The following TSPAN11 variants were observed in gnomAD, a reference collection of about 807,000 sequenced individuals.
TSPAN11 encodes tetraspanin-11.
TSPAN11 carries 29 observed loss-of-function variants against 32.9 expected under a neutral mutation model. The ratio of observed to expected loss-of-function variants is 0.88; its 90% CI spans 0.66 to 1.20. TSPAN11 has a LOEUF of 1.20. Among genes scored for constraint, TSPAN11 ranks in the 50% most tolerant of loss-of-function variants. TSPAN11 has a pLI of 0.00. For missense variants in TSPAN11, 283 were observed against 329.1 expected (o/e 0.86, Z 1.08); for synonymous variants, 140 against 141.3 (o/e 0.99, Z 0.07).
In TSPAN11 at chr12:30,995,289, C is replaced by T. The variant is rs1939395108; in HGVS notation, c.*3374C>T. The T allele has an allele frequency of 6.6e-6, 1 of 152,328 alleles. No homozygotes were observed. 9.4% of individuals were successfully genotyped at this position (152,328 alleles called of 1,614,324 possible). A position where few individuals can be genotyped will look rare whatever the true frequency, so the allele number is the denominator to read the frequency against. On this transcript the variant is annotated 3_prime_UTR_variant, in exon 8 of 8. Transcript: ENST00000546076. ...GGTCACACCCACTCCCAGAGCAACC[C>T]TGGGCAGGGAGGGGCACCCTGGGGT...
intron 1 of TSPAN11, among the ~76,000 whole-genome samples, chr12:30,931,879 C>CAAAAAAAA (rs58500177): frequency 0.18 from 10,774 of 60,414 alleles, 2,202 homozygotes; most frequent in Non-Finnish European, 0.23. Flanking sequence ...GACGCTGTAT[C>CAAAAAAAA]AAAAAAAAAA....
downstream of TSPAN11, among the ~76,000 whole-genome samples, chr12:31,000,480 C>T (rs1210742032): frequency 6.6e-6 from 1 of 152,246 alleles, no homozygotes; most frequent in Non-Finnish European, 1.5e-5. Context: ...TATACGCATG[C>T]TTTTATTTAA....
chr12:30,992,214 G>A lies in TSPAN11; in HGVS notation c.*299G>A, dbSNP rs373758138. The A allele has an allele frequency of 8.4e-5, 40 of 476,444 alleles. No homozygotes were observed. The highest frequency in any genetic ancestry group is 1.2e-4 in the Non-Finnish European group (31 of 262,418). The allele number at this position is 476,444 out of a possible 1,614,324, so 29.5% of individuals were successfully genotyped here. A position where few individuals can be genotyped will look rare whatever the true frequency, so the allele number is the denominator to read the frequency against. The stretch of plus-strand genomic sequence containing the variant: ...AGGAACGGGGGCACCCGTGGACTAC[G>A]GGAGGGTGGCGGTTGGGTTCTCTGC... On this transcript the variant is annotated 3_prime_UTR_variant, in exon 8 of 8. Transcript: ENST00000546076.
chr12:30,946,256 G>A (rs556382573), intron 1 of TSPAN11, among the ~76,000 whole-genome samples: 336 of 152,298 alleles, frequency 2.2e-3, no homozygotes, highest in Non-Finnish European at 3.5e-3. Flanking sequence ...ACCCTTCTGA[G>A]AGCAAATTCT....
At chr12:30,947,141 T>C (rs1220170732) in intron 1 of TSPAN11, among the ~76,000 whole-genome samples, 1 of 152,198 alleles carries the variant, frequency 6.6e-6, no homozygotes, top group African/African-American at 2.4e-5. Flanking sequence ...TATGTTTGCT[T>C]CTGTCCAGGG....
chr12:30,927,352 T>C (rs1430971221), intron 1 of TSPAN11, among the ~76,000 whole-genome samples: 1 of 152,232 alleles, frequency 6.6e-6, no homozygotes, highest in Non-Finnish European at 1.5e-5. Context: ...CATCCCTGCA[T>C]GTGCAGTTGG....
rs546078023 is a variant in TSPAN11, at chr12:30,994,038, G to A, written c.*2123G>A. On this transcript the variant is annotated 3_prime_UTR_variant, in exon 8 of 8. Transcript: ENST00000546076. ...AGCTGCAATTCCTGCCCTGTGTGTC[G>A]TCCAGCCAGACTGCCTCTTGAAAGA... 6.6e-5 allele frequency: 10 copies of A among 152,386 alleles called. No homozygotes were observed. The highest frequency in any genetic ancestry group is 1.9e-4 in the East Asian group (1 of 5,186). The allele number at this position is 152,386 out of a possible 1,614,324, so 9.4% of individuals were successfully genotyped here. A position where few individuals can be genotyped will look rare whatever the true frequency, so the allele number is the denominator to read the frequency against.
chr12:30,930,065 C>T (rs1937888616), intron 1 of TSPAN11, among the ~76,000 whole-genome samples: 2 of 152,146 alleles, frequency 1.3e-5, no homozygotes, highest in Admixed American at 6.5e-5. Context: ...GAACTGGACC[C>T]TCTGTTCATT....
chr12:30,988,815 G>A (rs1046016735), intron 7 of TSPAN11, among the ~76,000 whole-genome samples: 2 of 152,296 alleles, frequency 1.3e-5, no homozygotes, highest in Non-Finnish European at 2.9e-5. Context: ...TGACACAGCC[G>A]CTGTGGCAGA....
intron 3 of TSPAN11, among the ~76,000 whole-genome samples, chr12:30,965,578 A>G (rs1180947093): frequency 1.3e-5 from 2 of 152,082 alleles, no homozygotes; most frequent in Admixed American, 6.5e-5. Flanking sequence ...CAATTAGAAC[A>G]CAAATGGCCA....
chr12:30,945,427 C>A (rs1257691684), intron 1 of TSPAN11, among the ~76,000 whole-genome samples: 1 of 152,130 alleles, frequency 6.6e-6, no homozygotes, highest in African/African-American at 2.4e-5. Context: ...TGGCCCAGGG[C>A]CTGAAAATGC....
At chr12:30,948,580 A>G (rs1938316968) in intron 1 of TSPAN11, among the ~76,000 whole-genome samples, 4 of 152,264 alleles carry the variant, frequency 2.6e-5, no homozygotes, top group African/African-American at 9.6e-5. Context: ...GGCCCCTTTT[A>G]GTTACAGCTG....
At chr12:30,931,709 G>A (rs1209469633) in intron 1 of TSPAN11, among the ~76,000 whole-genome samples, 1 of 151,586 alleles carries the variant, frequency 6.6e-6, no homozygotes, top group Non-Finnish European at 1.5e-5. Flanking sequence ...GTGAAACCCC[G>A]TCTCTATTAA....
In TSPAN11 at chr12:30,979,461, C is replaced by T. The variant is rs189236860; in HGVS notation, c.352-105C>T. 49 of 998,784 alleles carry T rather than the reference C, an allele frequency of 4.9e-5. No homozygotes were observed. The Admixed American group carries it at 8.1e-4, about 17-fold the overall frequency. 61.9% of individuals were successfully genotyped at this position (998,784 alleles called of 1,614,324 possible). A position where few individuals can be genotyped will look rare whatever the true frequency, so the allele number is the denominator to read the frequency against. ...ACCTCCGCATCACACCATCCACAGT[C>T]CGCAGTGTTCTAGAATTAGCTGGGG... On this transcript the variant is annotated intron_variant, in intron 4 of 7. Coordinates refer to ENST00000546076, the MANE Select transcript of TSPAN11 (RefSeq NM_001370302.1).
At chr12:31,007,679 C>T in the TSPAN11 span, among the ~76,000 whole-genome samples, 8 of 152,206 alleles carry the variant, frequency 5.3e-5, no homozygotes, top group African/African-American at 1.9e-4. Flanking sequence ...TTCTGTGGGC[C>T]AGGGCCAGGC....
At chr12:30,989,315 T>C (rs2140312802) in intron 7 of TSPAN11, among the ~76,000 whole-genome samples, 1 of 152,230 alleles carries the variant, frequency 6.6e-6, no homozygotes, top group East Asian at 1.9e-4. Context: ...CATTAAGTCC[T>C]GAAGGAGCCC....
Position 30,961,893 on chromosome 12 carries a change from A to G in TSPAN11, c.85-1933A>G, listed in dbSNP as rs566588062. 7.2e-5 allele frequency among the ~76,000 whole-genome samples: 11 copies of G among 152,176 alleles called. No homozygotes were observed. In the South Asian group the frequency reaches 1.5e-3, roughly 20 times the overall value. ...AGGATATTTGGCTGCAAACCCTCAC[A>G]TTACACAATTTTATTGACCTAAACT... On this transcript the variant is annotated intron_variant, in intron 2 of 7. Transcript: ENST00000546076.
chr12:30,965,458 C>A (rs1345012430), intron 3 of TSPAN11, among the ~76,000 whole-genome samples: 1 of 152,186 alleles, frequency 6.6e-6, no homozygotes, highest in African/African-American at 2.4e-5. Context: ...GAAGCCCCCA[C>A]CGAGCGCCTT....
At chr12:30,998,232 A>G (rs1242253138), downstream of TSPAN11, among the ~76,000 whole-genome samples, 1 of 152,220 alleles carries the variant, frequency 6.6e-6, no homozygotes, top group Non-Finnish European at 1.5e-5. Flanking sequence ...CCCAACAGCC[A>G]ACAAGAGCCT....
Sources: allele counts gnomAD v4.1 joint callset (sites outside exome capture counted in the v4.1 genomes callset), GRCh38; gene constraint gnomAD v4.1.1; transcripts MANE v1.5; gene names NCBI Gene and HGNC (gene_info 2026-07-23, HGNC 2026-07-21).